Variants in SHTN1 observed in about 807,000 individuals in gnomAD.
SHTN1 encodes the protein shootin-1.
Under a neutral mutation model 83.1 loss-of-function variants are expected in SHTN1, and 42 were observed. That is an observed-to-expected ratio of 0.51 (90% confidence interval 0.39 to 0.65). The LOEUF is 0.65. SHTN1 is among the 30% of genes least tolerant of loss of function. SHTN1 has a pLI of 0.00. For synonymous variants in SHTN1, 224 were observed against 247.7 expected (o/e 0.90, Z 0.90); for missense variants, 622 against 737.8 (o/e 0.84, Z 1.82).
chr10:117,010,271 GAAT>G (rs1478105091), upstream of SHTN1, among the ~76,000 whole-genome samples: 11 of 151,852 alleles, frequency 7.2e-5, no homozygotes, highest in African/African-American at 2.2e-4. Flanking sequence ...GATTCTAAGA[GAAT>G]AATAAGAACA....
At position 116,886,581 on chromosome 10, in the gene SHTN1, G is replaced by A. The variant is rs761485147; in HGVS notation, c.1674-15C>T. 43 of 1,611,004 alleles carry A rather than the reference G, an allele frequency of 2.7e-5. 1 individual carries two copies. Among genetic ancestry groups the A allele is most frequent in the Admixed American group, 1.2e-4 (7 of 59,542 alleles). Reference sequence around the variant, plus strand: ...TACTGGGAGGCCTATGAGATGAAGAGTTAGACAAAAAAAGTAAAAAGCAGA... The same window carrying A: ...TACTGGGAGGCCTATGAGATGAAGAATTAGACAAAAAAAGTAAAAAGCAGA... On this transcript the variant is annotated splice_polypyrimidine_tract_variant and intron_variant, in intron 16 of 16. Coordinates refer to ENST00000355371, the MANE Select transcript of SHTN1 (RefSeq NM_001127211.3).
intron 1 of SHTN1, among the ~76,000 whole-genome samples, chr10:117,062,135 G>A (rs1025299751): frequency 1.3e-5 from 2 of 152,044 alleles, no homozygotes; most frequent in African/African-American, 4.8e-5. Flanking sequence ...TTTCACATTA[G>A]TCTTTTAATT....
chr10:117,005,263 G>T (rs1032541827), upstream of SHTN1: 1 of 1,445,838 alleles, frequency 6.9e-7, no homozygotes, highest in South Asian at 1.4e-5. Flanking sequence ...GCACCTACTC[G>T]GCGGCTGCGG....
At chr10:116,997,334 G>A (rs1221941086) in intron 1 of SHTN1, among the ~76,000 whole-genome samples, 1 of 152,170 alleles carries the variant, frequency 6.6e-6, no homozygotes, top group Non-Finnish European at 1.5e-5. Context: ...TCTCCCTTGC[G>A]ATGTGCACTG....
At chr10:117,036,092 C>T (rs894509637) in intron 2 of SHTN1, among the ~76,000 whole-genome samples, 11 of 151,896 alleles carry the variant, frequency 7.2e-5, no homozygotes, top group Admixed American at 6.6e-4. Flanking sequence ...AAGATTTCAT[C>T]TTAACCACAG....
At chr10:117,120,351 G>T (rs550625674) in intron 1 of SHTN1, among the ~76,000 whole-genome samples, 1 of 151,386 alleles carries the variant, frequency 6.6e-6, no homozygotes, top group Non-Finnish European at 1.5e-5. Flanking sequence ...GGGTTCAAGC[G>T]ATTCTCCTGC....
chr10:117,081,928 TTTTC>T (rs1306172497), intron 1 of SHTN1, among the ~76,000 whole-genome samples: 3 of 150,786 alleles, frequency 2.0e-5, no homozygotes, highest in East Asian at 2.0e-4. Flanking sequence ...TTCTCTCTTT[TTTTC>T]TTTATTAGTC....
intron 1 of SHTN1, among the ~76,000 whole-genome samples, chr10:117,114,502 C>A (rs1326374888): frequency 6.6e-6 from 1 of 152,150 alleles, no homozygotes; most frequent in Non-Finnish European, 1.5e-5. Context: ...TGGATCCAGA[C>A]ACTCTCTGCT....
At chr10:117,123,591 T>C (rs1281897117) in intron 1 of SHTN1, among the ~76,000 whole-genome samples, 1 of 152,180 alleles carries the variant, frequency 6.6e-6, no homozygotes, top group Non-Finnish European at 1.5e-5. Flanking sequence ...CTGTTCCTAA[T>C]GTACTGCCAG....
chr10:117,027,187 C>G lies in SHTN1; in HGVS notation c.-123+21258G>C, dbSNP rs987114875. Among the ~76,000 whole-genome samples the G allele has an allele frequency of 5.8e-5, 5 of 86,718 alleles. No homozygotes were observed. In the Admixed American group the frequency reaches 6.0e-4, roughly 10 times the overall value. 56.9% of individuals were successfully genotyped at this position (86,718 alleles called of 152,430 possible). ...TCTAATGTTCAGTTGGAATCCCCAA[C>G]ATTGGAGGGGGGGCCTGGTTGGAGG... On this transcript the variant is annotated intron_variant, in intron 2 of 17. Transcript: ENST00000392901.
intron 16 of SHTN1, among the ~76,000 whole-genome samples, chr10:116,887,323 G>T (rs1443662940): frequency 6.6e-6 from 1 of 152,194 alleles, no homozygotes; most frequent in African/African-American, 2.4e-5. Flanking sequence ...TTCATTATGG[G>T]AACAGATATC....
At chr10:117,072,488 C>T (rs1014942941) in intron 1 of SHTN1, among the ~76,000 whole-genome samples, 7 of 152,166 alleles carry the variant, frequency 4.6e-5, no homozygotes, top group Non-Finnish European at 2.9e-5. Flanking sequence ...ATCCCAAATA[C>T]TGTGCTGGTA....
chr10:117,097,030 G>GAGACAC (rs1853512819), intron 1 of SHTN1, among the ~76,000 whole-genome samples: 1 of 148,950 alleles, frequency 6.7e-6, no homozygotes, highest in Non-Finnish European at 1.5e-5. Context: ...CACACACATA[G>GAGACAC]ACACACACAC....
chr10:117,118,906 C>T (rs1222243088), intron 1 of SHTN1, among the ~76,000 whole-genome samples: 1 of 152,092 alleles, frequency 6.6e-6, no homozygotes, highest in Admixed American at 6.5e-5. Flanking sequence ...AACAAACCTG[C>T]ACATCCTTCA....
intron 6 of SHTN1, among the ~76,000 whole-genome samples, chr10:116,949,510 C>T (rs1406695775): frequency 6.6e-6 from 1 of 152,100 alleles, no homozygotes; most frequent in Non-Finnish European, 1.5e-5. Context: ...ATCCGATACT[C>T]AATTTTGGTA....
chr10:116,960,508 A>G (rs544496521), intron 3 of SHTN1, among the ~76,000 whole-genome samples: 2 of 152,296 alleles, frequency 1.3e-5, no homozygotes, highest in Admixed American at 1.3e-4. Flanking sequence ...TTACAAGTCT[A>G]TTTTCTATGC....
chr10:117,100,083 A>G (rs7911203), intron 1 of SHTN1, among the ~76,000 whole-genome samples: 1,750 of 152,314 alleles, frequency 0.011, 34 homozygotes, highest in African/African-American at 0.04. Flanking sequence ...AGGCTGAGGC[A>G]GGAGAATCGC....
chr10:116,900,287 ATG>A, intron 16 of SHTN1: 2 of 497,812 alleles, frequency 4.0e-6, no homozygotes, highest in Non-Finnish European at 7.2e-6. Flanking sequence ...TTAAACTGGA[ATG>A]TGTCTCTTAA....
intron 3 of SHTN1, among the ~76,000 whole-genome samples, chr10:116,966,066 G>C (rs1356930052): frequency 6.6e-6 from 1 of 152,088 alleles, no homozygotes; most frequent in African/African-American, 2.4e-5. Flanking sequence ...GAGTGCAGTG[G>C]CAAGATCTTG....
Sources: allele counts gnomAD v4.1 joint callset (sites outside exome capture counted in the v4.1 genomes callset), GRCh38; gene constraint gnomAD v4.1.1; transcripts MANE v1.5; gene names NCBI Gene and HGNC (gene_info 2026-07-23, HGNC 2026-07-21).